MDFIC: variants seen among roughly 807,000 people sequenced by gnomAD.
MDFIC encodes MyoD family inhibitor domain containing.
A neutral mutation model predicts 23.2 loss-of-function variants in MDFIC; 17 were observed. The observed-to-expected ratio is 0.73, with a 90% CI of 0.50 to 1.10. MDFIC has a LOEUF of 1.10. MDFIC is among the 50% of genes least tolerant of loss of function. The probability of loss-of-function intolerance (pLI) is 0.00; values close to 1 mark genes in which losing one functional copy is unlikely to be tolerated. For missense variants in MDFIC, 356 were observed against 316.6 expected (o/e 1.12, Z -0.95); for synonymous variants, 120 against 115.2 (o/e 1.04, Z -0.27).
chr7:114,933,261 T>G (rs904641471), intron 2 of MDFIC, among the ~76,000 whole-genome samples: 4 of 151,158 alleles, frequency 2.6e-5, no homozygotes, highest in African/African-American at 9.7e-5. Flanking sequence ...TTCTTTTTTT[T>G]TTTTTTTTTC....
chr7:114,927,800 C>A (rs537092899), intron 2 of MDFIC, among the ~76,000 whole-genome samples: 11 of 152,068 alleles, frequency 7.2e-5, no homozygotes, highest in African/African-American at 2.4e-4. Flanking sequence ...TATTTAGTTC[C>A]CTAATAAAAG....
chr7:114,944,653 G>T (rs1792610365), intron 3 of MDFIC, among the ~76,000 whole-genome samples: 1 of 152,186 alleles, frequency 6.6e-6, no homozygotes, highest in African/African-American at 2.4e-5. Context: ...CAGAGTCATT[G>T]GCCATCTCTG....
chr7:114,922,270 C>T lies in MDFIC; in HGVS notation c.-474C>T. 3 of 775,322 alleles carry T rather than the reference C, an allele frequency of 3.9e-6. No individual in the cohort carries two copies. The allele number at this position is 775,322 out of a possible 1,614,324, so 48.0% of individuals were successfully genotyped here. The stretch of plus-strand genomic sequence containing the variant: ...CCGCTAGCCAAGAGTTCGAGGCCTT[C>T]CCGATCCGGATGTGATGAAAAAGAG... On this transcript the variant is annotated 5_prime_UTR_variant, in exon 1 of 5. Coordinates refer to ENST00000393486, the MANE Select transcript of MDFIC (RefSeq NM_001166345.3).
At chr7:114,979,338 A>C (rs1050867200) in intron 3 of MDFIC, among the ~76,000 whole-genome samples, 168 bp from the exon 4 acceptor site, 1 of 151,996 alleles carries the variant, frequency 6.6e-6, no homozygotes, top group Middle Eastern at 3.2e-3. Flanking sequence ...AGTAAATTAT[A>C]CTTTCTCTAT....
At chr7:114,980,013 C>A in intron 4 of MDFIC, 1 of 566,964 alleles carries the variant, frequency 1.8e-6, no homozygotes, top group South Asian at 1.8e-5. Flanking sequence ...ATAGTCATTA[C>A]TTTAAATATA....
intron 3 of MDFIC, among the ~76,000 whole-genome samples, chr7:114,946,855 C>T (rs1217470278): frequency 6.6e-6 from 1 of 152,142 alleles, no homozygotes; most frequent in Admixed American, 6.5e-5. Context: ...ATTCGGAGCT[C>T]TATTATTTCT....
chr7:114,971,664 T>C (rs1793207408), intron 3 of MDFIC, among the ~76,000 whole-genome samples: 1 of 152,180 alleles, frequency 6.6e-6, no homozygotes, highest in South Asian at 2.1e-4. Context: ...TTGTACATCA[T>C]AATTTCTTGT....
At chr7:115,011,612 G>T (rs1488799294) in intron 4 of MDFIC, among the ~76,000 whole-genome samples, 19 of 152,148 alleles carry the variant, frequency 1.2e-4, no homozygotes. Context: ...ATTTTAACAG[G>T]CAAATTAATT....
At position 114,994,388 on chromosome 7, in the gene MDFIC, C is replaced by G. The variant is rs1441880275; in HGVS notation, c.493+14607C>G. The stretch of plus-strand genomic sequence containing the variant: ...TTGTTATGTGTGAATTTGATCCTGT[C>G]ATTATGACATTAGCTGGTTATTTTG... On this transcript the variant is annotated intron_variant, in intron 4 of 4. Transcript: ENST00000393486. Among the ~76,000 whole-genome samples the G allele has an allele frequency of 2.6e-5, 4 of 152,166 alleles. No homozygotes were observed. The East Asian group carries it at 7.7e-4, about 29-fold the overall frequency.
intron 1 of MDFIC, 64 bp from the exon 2 acceptor site, chr7:114,922,863 G>T: frequency 6.7e-7 from 1 of 1,496,772 alleles, no homozygotes; most frequent in East Asian, 2.7e-5. Context: ...GGAACGTCCC[G>T]CAGGGGTGGT....
chr7:114,988,269 G>A (rs577310271), intron 4 of MDFIC, among the ~76,000 whole-genome samples: 3 of 152,262 alleles, frequency 2.0e-5, no homozygotes, highest in South Asian at 4.1e-4. Flanking sequence ...AGGGTGTGGG[G>A]TAGTTGGATG....
In MDFIC at chr7:114,953,306, T is replaced by A. The variant is rs114275834; in HGVS notation, c.217+10909T>A. Reference sequence around the variant, plus strand: ...ATTAAATTCAAATATTTTACCCCAATGAAACAAAAAAATAGGTATATATCA... The same window carrying A: ...ATTAAATTCAAATATTTTACCCCAAAGAAACAAAAAAATAGGTATATATCA... On this transcript the variant is annotated intron_variant, in intron 3 of 4. Transcript: ENST00000393486. Among the ~76,000 whole-genome samples, 340 of 152,032 alleles carry A rather than the reference T, an allele frequency of 2.2e-3. 1 individual carries two copies. The highest frequency in any genetic ancestry group is 7.4e-3 in the African/African-American group (309 of 41,492).
intron 4 of MDFIC, among the ~76,000 whole-genome samples, chr7:115,013,157 C>G (rs1201651584): frequency 6.6e-6 from 1 of 152,052 alleles, no homozygotes; most frequent in Non-Finnish European, 1.5e-5. Context: ...AGTATAGTTT[C>G]CATTCTGATA....
chr7:114,941,402 C>T (rs1250174124), intron 2 of MDFIC, among the ~76,000 whole-genome samples: 3 of 152,200 alleles, frequency 2.0e-5, no homozygotes, highest in African/African-American at 7.2e-5. Flanking sequence ...TAGTACTTCA[C>T]AGTCCAGAGA....
chr7:114,926,079 C>T (rs551491754), intron 2 of MDFIC, among the ~76,000 whole-genome samples: 28 of 152,162 alleles, frequency 1.8e-4, no homozygotes, highest in African/African-American at 6.7e-4. Flanking sequence ...TGCCATTTGT[C>T]CTGGTTTGAT....
rs995317109 is a variant in MDFIC at position 114,979,775 on chromosome 7, C to A, written c.487C>A (p.Pro163Thr). ...CTTTTCCCAAAAGACAGGCTCTTCA[C>A]CTGAAGGTAAGTTTGAGATATATGT... ...AVFSQKTGSSPEDCCVHCILA... is the reference protein window; with the variant it reads ...AVFSQKTGSSTEDCCVHCILA... Residue 163 changes from proline to threonine, a missense_variant, in exon 4 of 5, where the codon CCT becomes ACT. By Grantham distance (38) the Pro-to-Thr change is conservative. Transcript: ENST00000393486. 1.2e-6 allele frequency: 2 copies of A among 1,612,884 alleles called. No homozygotes were observed. The highest frequency in any genetic ancestry group is 2.2e-5 in the East Asian group (1 of 44,872).
Position 114,923,039 on chromosome 7 carries a change from C to G in MDFIC, c.6C>G (p.Ser2=), listed in dbSNP as rs766747065. 5.8e-6 allele frequency: 8 copies of G among 1,368,252 alleles called. No homozygotes were observed. The South Asian group carries it at 8.7e-5, about 15-fold the overall frequency. The allele number at this position is 1,368,252 out of a possible 1,614,324, so 84.8% of individuals were successfully genotyped here. A position where few individuals can be genotyped will look rare whatever the true frequency, so the allele number is the denominator to read the frequency against. Residue 2 remains serine (S), a synonymous_variant, in exon 2 of 5, where the codon TCC becomes TCG. Coordinates refer to ENST00000393486, the MANE Select transcript of MDFIC (RefSeq NM_001166345.3). M[S]GAGEALAPGP... is the part of the protein sequence containing the mutation. ...CGGGCTCGGCGGAGCGGCCCATGTC[C>G]GGCGCGGGCGAAGCCCTCGCTCCCG...
intron 4 of MDFIC, among the ~76,000 whole-genome samples, chr7:114,994,239 G>T (rs1322019649): frequency 6.6e-6 from 1 of 151,946 alleles, no homozygotes; most frequent in Non-Finnish European, 1.5e-5. Context: ...GAGCCTATGT[G>T]TGTCTCTGCA....
At chr7:114,993,294 A>G (rs974705092) in intron 4 of MDFIC, among the ~76,000 whole-genome samples, 1 of 152,124 alleles carries the variant, frequency 6.6e-6, no homozygotes, top group Non-Finnish European at 1.5e-5. Flanking sequence ...GATCTTTTCA[A>G]AAAACCAGCT....
Sources: allele counts gnomAD v4.1 joint callset (sites outside exome capture counted in the v4.1 genomes callset), GRCh38; gene constraint gnomAD v4.1.1; transcripts MANE v1.5; gene names NCBI Gene and HGNC (gene_info 2026-07-23, HGNC 2026-07-21).